Variants in ADI1 observed in about 807,000 individuals in gnomAD.
ADI1 encodes the protein acireductone dioxygenase.
A neutral mutation model predicts 18.7 loss-of-function variants in ADI1; 21 were observed. The observed-to-expected ratio is 1.13, with a 90% confidence interval of 0.80 to 1.62. ADI1 has a LOEUF of 1.62. Among genes scored for constraint, ADI1 ranks in the 40% most tolerant of loss-of-function variants. The pLI, the probability that ADI1 is intolerant of heterozygous loss-of-function variation, is 0.00. For missense variants in ADI1, 245 were observed against 254.9 expected (o/e 0.96, Z 0.26); for synonymous variants, 90 against 100.1 (o/e 0.90, Z 0.60).
intron 2 of ADI1, among the ~76,000 whole-genome samples, chr2:3,507,602 A>G (rs971221992): frequency 3.3e-5 from 5 of 152,196 alleles, no homozygotes; most frequent in African/African-American, 1.2e-4. Flanking sequence ...ACAAACAAAA[A>G]TGAAAAGAAT....
At chr2:3,519,161 G>A in intron 1 of ADI1, 1 of 616,042 alleles carries the variant, frequency 1.6e-6, no homozygotes, top group Non-Finnish European at 2.4e-6. Context: ...CCGCGCAGGA[G>A]GCCCTGACCA....
chr2:3,514,853 GA>G, intron 1 of ADI1: 4 of 1,548,666 alleles, frequency 2.6e-6, no homozygotes, highest in Non-Finnish European at 3.5e-6. Flanking sequence ...ACCCCGAATG[GA>G]GGGACCGGCT....
In ADI1 at chr2:3,497,625, G is replaced by A. The variant is rs907345847; in HGVS notation, c.*1338C>T. 6 of 152,092 alleles carry A rather than the reference G, an allele frequency of 3.9e-5. No individual in the cohort carries two copies. Among genetic ancestry groups the A allele is most frequent in the Admixed American group, 3.3e-4 (5 of 15,270 alleles). The allele number at this position is 152,092 out of a possible 1,614,324, so 9.4% of individuals were successfully genotyped here. On this transcript the variant is annotated 3_prime_UTR_variant, in exon 4 of 4. Transcript: ENST00000327435. ...AAGAATCCTCCCACCTTAGCCTCCT[G>A]AGTAGCTGAGATTACAGGCATGAGC...
chr2:3,506,399 T>C (rs1040812646), intron 2 of ADI1, among the ~76,000 whole-genome samples: 2 of 152,192 alleles, frequency 1.3e-5, no homozygotes, highest in African/African-American at 4.8e-5. Context: ...CTTTCCTATA[T>C]ACCAGAAACA....
At chr2:3,519,043 C>T (rs1005319674) in intron 1 of ADI1, among the ~76,000 whole-genome samples, 1 of 150,456 alleles carries the variant, frequency 6.6e-6, no homozygotes, top group African/African-American at 2.4e-5. Flanking sequence ...AAGCCGACCG[C>T]CAACCCCGTA....
intron 2 of ADI1, 59 bp downstream of exon 2, chr2:3,513,798 C>A: frequency 1.3e-6 from 2 of 1,490,098 alleles, no homozygotes; most frequent in South Asian, 1.4e-5. Context: ...GAAAATATTG[C>A]GTCTATTAGT....
intron 2 of ADI1, among the ~76,000 whole-genome samples, chr2:3,506,886 A>G (rs147830795): frequency 4.5e-4 from 68 of 152,318 alleles, no homozygotes; most frequent in African/African-American, 1.6e-3. Context: ...AGGCAATACA[A>G]TGAAAAAAAG....
rs762335566 is a variant in ADI1 at position 3,500,958 on chromosome 2, G to A, written c.276C>T (p.Asp92=). Residue 92 remains aspartate (D), a synonymous_variant, in exon 3 of 4, where the codon GAC becomes GAT. Transcript: ENST00000327435. ...CATCCAGGATGTAGCGGATCTCATC[G>A]TCCAAGTGCAAATGCTCCTCGTAGA... The part of the protein sequence containing the change: ...KMFYEEHLHL[D]DEIRYILDGS... 35 of 1,612,916 alleles carry A rather than the reference G, an allele frequency of 2.2e-5. No homozygotes were observed. Among genetic ancestry groups the A allele is most frequent in the Admixed American group, 1.2e-4 (7 of 59,916 alleles).
intron 2 of ADI1, among the ~76,000 whole-genome samples, chr2:3,506,676 G>A (rs1159329905): frequency 6.6e-6 from 1 of 152,172 alleles, no homozygotes; most frequent in Non-Finnish European, 1.5e-5. Flanking sequence ...TAGTTATTTT[G>A]CACATATCAG....
At chr2:3,509,213 T>G (rs186666417) in intron 2 of ADI1, among the ~76,000 whole-genome samples, 2 of 152,120 alleles carry the variant, frequency 1.3e-5, no homozygotes, top group African/African-American at 2.4e-5. Context: ...CAAAGAAAGA[T>G]AGACAAATCC....
At chr2:3,503,966 G>A (rs1293331817) in intron 2 of ADI1, among the ~76,000 whole-genome samples, 2 of 152,122 alleles carry the variant, frequency 1.3e-5, no homozygotes, top group South Asian at 2.1e-4. Flanking sequence ...GCCACTGCAC[G>A]GCCATGACAG....
chr2:3,508,159 C>A (rs1206655271), intron 2 of ADI1, among the ~76,000 whole-genome samples: 2 of 151,484 alleles, frequency 1.3e-5, no homozygotes, highest in African/African-American at 2.4e-5. Context: ...ACAGTGAAAC[C>A]CCATCTCTAC....
At chr2:3,519,314 G>C (rs1667504800) in intron 1 of ADI1, 54 bp downstream of exon 1, 1 of 1,342,124 alleles carries the variant, frequency 7.5e-7, no homozygotes, top group Non-Finnish European at 9.5e-7. Flanking sequence ...GGCTGTGCGC[G>C]GCGTTTGGGG....
At chr2:3,514,934 T>C (rs1667367160) in intron 1 of ADI1, 1 of 1,493,198 alleles carries the variant, frequency 6.7e-7, no homozygotes, top group Non-Finnish European at 8.9e-7. Context: ...ATAATACTTT[T>C]ATAATTTATT....
chr2:3,499,451 G>C (rs1210868489), intron 3 of ADI1, among the ~76,000 whole-genome samples: 1 of 152,172 alleles, frequency 6.6e-6, no homozygotes, highest in South Asian at 2.1e-4. Flanking sequence ...ATTAGCATCA[G>C]GGCCCACATG....
intron 2 of ADI1, among the ~76,000 whole-genome samples, chr2:3,510,121 C>A (rs1667267155): frequency 7.4e-6 from 1 of 134,386 alleles, no homozygotes. Flanking sequence ...CCAGCCTGGG[C>A]AACAAGAGCG....
intron 3 of ADI1, among the ~76,000 whole-genome samples, chr2:3,500,116 T>G (rs1035200856): frequency 5.9e-5 from 9 of 151,660 alleles, no homozygotes; most frequent in African/African-American, 2.2e-4. Context: ...TGGATATGTG[T>G]AAAGTCACTC....
chr2:3,499,133 T>C, intron 3 of ADI1, 51 bp from the exon 4 acceptor site: 4 of 1,542,020 alleles, frequency 2.6e-6, no homozygotes, highest in South Asian at 1.1e-5. Flanking sequence ...GCCGGCCTTC[T>C]ACTTAGTATT....
chr2:3,507,634 A>G (rs545170677), intron 2 of ADI1, among the ~76,000 whole-genome samples: 1 of 152,302 alleles, frequency 6.6e-6, no homozygotes, highest in East Asian at 1.9e-4. Flanking sequence ...AGACTGACCT[A>G]CCTTGCAAAT....
Sources: allele counts gnomAD v4.1 joint callset (sites outside exome capture counted in the v4.1 genomes callset), GRCh38; gene constraint gnomAD v4.1.1; transcripts MANE v1.5; gene names NCBI Gene and HGNC (gene_info 2026-07-23, HGNC 2026-07-21).